Variants in PARN observed in about 807,000 individuals in gnomAD.
PARN encodes poly(A)-specific ribonuclease.
In PARN, 71 loss-of-function variants were observed where a neutral mutation model predicts 102.8. The ratio of observed to expected loss-of-function variants is 0.69; its 90% CI spans 0.57 to 0.84. The LOEUF (loss-of-function observed/expected upper bound fraction) is 0.84. Ranked by LOEUF, PARN falls within the 40% of genes least tolerant of loss-of-function variation. The pLI, the probability that PARN is intolerant of heterozygous loss-of-function variation, is 0.00. For missense variants in PARN, 782 were observed against 760.9 expected (o/e 1.03, Z -0.33); for synonymous variants, 261 against 252.9 (o/e 1.03, Z -0.30).
At chr16:14,567,227 G>A (rs1319090796) in intron 18 of PARN, among the ~76,000 whole-genome samples, 1 of 152,092 alleles carries the variant, frequency 6.6e-6, no homozygotes, top group Non-Finnish European at 1.5e-5. Context: ...GTATATTAGG[G>A]GAAAATATAT....
At chr16:14,623,281 C>T (rs1396884304) in intron 5 of PARN, among the ~76,000 whole-genome samples, 1 of 151,872 alleles carries the variant, frequency 6.6e-6, no homozygotes, top group Admixed American at 6.6e-5. Context: ...TTTGGGAGGC[C>T]GAGGTGGGCA....
chr16:14,447,754 G>A (rs1175839536), intron 22 of PARN, among the ~76,000 whole-genome samples: 1 of 152,146 alleles, frequency 6.6e-6, no homozygotes, highest in Admixed American at 6.6e-5. Context: ...CACATAGCCA[G>A]TGAGTCCTTT....
intron 21 of PARN, among the ~76,000 whole-genome samples, chr16:14,529,270 T>C (rs935629278): frequency 6.6e-6 from 1 of 152,232 alleles, no homozygotes; most frequent in African/African-American, 2.4e-5. Flanking sequence ...TTACTTGGCG[T>C]TGGAAAGGTA....
intron 21 of PARN, among the ~76,000 whole-genome samples, chr16:14,541,931 G>A (rs117395707): frequency 0.028 from 4,298 of 152,220 alleles, 83 homozygotes; most frequent in Non-Finnish European, 0.041. Context: ...AGGAAAACAT[G>A]ACCCATTCTC....
At chr16:14,568,158 T>G (rs931142904) in intron 18 of PARN, among the ~76,000 whole-genome samples, 4 of 151,974 alleles carry the variant, frequency 2.6e-5, no homozygotes, top group Non-Finnish European at 5.9e-5. Context: ...AAGACCAGTC[T>G]GGGTGACAGG....
At position 14,604,203 on chromosome 16, in the gene PARN, G is replaced by A. The variant is rs548666743; in HGVS notation, c.726C>T (p.Ser242=). ...TEKKERYIVI[S]KVDEEERKRR... is the part of the protein sequence containing the mutation. ...TTTTGCGTTCTTCTTCATCTACTTT[G>A]CTGATAACTATATATCGCTCCTTCT... Residue 242 remains serine, a synonymous_variant, in exon 11 of 24, where the codon AGC becomes AGT. Transcript: ENST00000437198. 1 of 1,595,528 alleles carries A rather than the reference G, an allele frequency of 6.3e-7. No homozygotes were observed. Among genetic ancestry groups the A allele is most frequent in the African/African-American group, 1.3e-5 (1 of 74,802 alleles).
At chr16:14,459,490 A>G (rs552289129) in intron 22 of PARN, among the ~76,000 whole-genome samples, 1 of 152,342 alleles carries the variant, frequency 6.6e-6, no homozygotes, top group African/African-American at 2.4e-5. Flanking sequence ...GCTGAAAACT[A>G]TAATACACTG....
intron 9 of PARN, 61 bp downstream of exon 9, chr16:14,608,220 A>G: frequency 1.7e-6 from 2 of 1,165,390 alleles, no homozygotes; most frequent in Non-Finnish European, 2.5e-6. Context: ...CTAAGAGATT[A>G]TATTTAGTCT....
intron 21 of PARN, among the ~76,000 whole-genome samples, chr16:14,546,399 C>G (rs1305820536): frequency 1.3e-5 from 2 of 152,178 alleles, no homozygotes; most frequent in African/African-American, 4.8e-5. Context: ...GGCAGGGTAT[C>G]AGGAATTCAT....
At chr16:14,456,448 A>G (rs1447775777) in intron 22 of PARN, among the ~76,000 whole-genome samples, 1 of 152,142 alleles carries the variant, frequency 6.6e-6, no homozygotes, top group Non-Finnish European at 1.5e-5. Flanking sequence ...TGCCGGTATT[A>G]TAGGCGTGAA....
chr16:14,455,269 C>T (rs944629049), intron 22 of PARN, among the ~76,000 whole-genome samples: 1 of 152,184 alleles, frequency 6.6e-6, no homozygotes, highest in Non-Finnish European at 1.5e-5. Flanking sequence ...AGACTATATA[C>T]GGCTTCATAT....
chr16:14,611,533 A>C (rs889564403), intron 6 of PARN, among the ~76,000 whole-genome samples: 2 of 152,130 alleles, frequency 1.3e-5, no homozygotes, highest in Admixed American at 1.3e-4. Context: ...AGAGGTCAGC[A>C]AACTTTTTCT....
chr16:14,573,498 G>C (rs1425003482), intron 18 of PARN, among the ~76,000 whole-genome samples: 79 of 152,250 alleles, frequency 5.2e-4, no homozygotes, highest in Non-Finnish European at 7.4e-5. Flanking sequence ...AAACGGAAAA[G>C]AATATATGCT....
At chr16:14,556,785 C>A (rs1483484995) in intron 18 of PARN, among the ~76,000 whole-genome samples, 2 of 152,082 alleles carry the variant, frequency 1.3e-5, no homozygotes, top group South Asian at 2.1e-4. Flanking sequence ...AGAATGACAA[C>A]ACAGGTTTCT....
At chr16:14,619,397 T>C (rs1361847434) in intron 5 of PARN, among the ~76,000 whole-genome samples, 3 of 151,114 alleles carry the variant, frequency 2.0e-5, no homozygotes, top group Non-Finnish European at 4.4e-5. Flanking sequence ...CCCAGGAGTT[T>C]GTGTGACCAG....
chr16:14,615,733 G>A (rs749069668), intron 6 of PARN, among the ~76,000 whole-genome samples: 22 of 151,760 alleles, frequency 1.4e-4, no homozygotes, highest in Non-Finnish European at 2.5e-4. Context: ...AAACCCCATC[G>A]CTACTAAAAA....
At chr16:14,599,037 CTTTTTTTTTTTTTTTT>C (rs71150194) in intron 12 of PARN, among the ~76,000 whole-genome samples, 2 of 81,462 alleles carry the variant, frequency 2.5e-5, no homozygotes, top group African/African-American at 4.9e-5. Flanking sequence ...TTCTCCTCTT[CTTTTTTTTTTTTTTTT>C]TTTTTTTTGG....
At chr16:14,620,734 T>C (rs1972242847) in intron 5 of PARN, among the ~76,000 whole-genome samples, 1 of 152,208 alleles carries the variant, frequency 6.6e-6, no homozygotes, top group Non-Finnish European at 1.5e-5. Context: ...CTGAGGTCTC[T>C]ATTCTGGGGA....
intron 20 of PARN, among the ~76,000 whole-genome samples, chr16:14,552,782 C>A (rs576626771): frequency 1.3e-5 from 2 of 152,192 alleles, no homozygotes; most frequent in East Asian, 3.9e-4. Flanking sequence ...AACCCCAACT[C>A]TGCTAAAAAT....
Sources: allele counts gnomAD v4.1 joint callset (sites outside exome capture counted in the v4.1 genomes callset), GRCh38; gene constraint gnomAD v4.1.1; transcripts MANE v1.5; gene names NCBI Gene and HGNC (gene_info 2026-07-23, HGNC 2026-07-21).